The following MAP2 variants were observed in gnomAD, a reference collection of about 807,000 sequenced individuals.
The protein encoded by MAP2 is microtubule-associated protein 2.
A neutral mutation model predicts 137.6 loss-of-function variants in MAP2; 14 were observed. The ratio of observed to expected loss-of-function variants is 0.10; its 90% CI spans 0.07 to 0.16. The LOEUF is 0.16. Among genes scored for constraint, MAP2 ranks in the 10% least tolerant of loss-of-function variants. The probability of loss-of-function intolerance (pLI) is 1.00; values close to 1 mark genes in which losing one functional copy is unlikely to be tolerated. For synonymous variants in MAP2, 786 were observed against 782.3 expected (o/e 1.00, Z -0.08); for missense variants, 2,088 against 2,191.5 (o/e 0.95, Z 0.94).
At chr2:209,656,028 C>T (rs3768834) in intron 5 of MAP2, among the ~76,000 whole-genome samples, 28,719 of 152,010 alleles carry the variant, frequency 0.19, 3,903 homozygotes, top group African/African-American at 0.38. Flanking sequence ...ATCTTCTTCC[C>T]CCTTTTCTCC....
At chr2:209,473,071 C>T (rs1289700966) in intron 1 of MAP2, among the ~76,000 whole-genome samples, 2 of 152,164 alleles carry the variant, frequency 1.3e-5, no homozygotes, top group Non-Finnish European at 2.9e-5. Flanking sequence ...TTGGTGACTT[C>T]ATACCCTTCT....
chr2:209,578,653 A>T (rs2075739672), intron 2 of MAP2, among the ~76,000 whole-genome samples: 1 of 151,908 alleles, frequency 6.6e-6, no homozygotes, highest in Admixed American at 6.6e-5. Context: ...ATTTATTGAC[A>T]TTTTTCTCCT....
intron 1 of MAP2, among the ~76,000 whole-genome samples, chr2:209,483,041 A>G (rs1390763817): frequency 6.6e-6 from 1 of 152,216 alleles, no homozygotes; most frequent in Non-Finnish European, 1.5e-5. Flanking sequence ...TGAGTTTAGA[A>G]CTAAAGTCCT....
intron 1 of MAP2, among the ~76,000 whole-genome samples, chr2:209,471,237 A>G (rs889346483): frequency 1.3e-5 from 2 of 152,128 alleles, no homozygotes; most frequent in African/African-American, 4.8e-5. Flanking sequence ...ATTCTGACTC[A>G]TCCTACACAG....
intron 14 of MAP2, among the ~76,000 whole-genome samples, chr2:209,726,830 G>T (rs1345226255): frequency 6.6e-6 from 1 of 152,144 alleles, no homozygotes; most frequent in African/African-American, 2.4e-5. Context: ...ATTTTCTTGA[G>T]AATATTTTGA....
At chr2:209,596,324 C>G (rs542957710) in intron 3 of MAP2, among the ~76,000 whole-genome samples, 61 of 152,228 alleles carry the variant, frequency 4.0e-4, no homozygotes, top group African/African-American at 1.4e-3. Context: ...TACGAATAAA[C>G]TGAAAACACA....
In MAP2 at chr2:209,435,983, G is replaced by T. The variant is rs1421709812; in HGVS notation, c.-222+11707G>T. On this transcript the variant is annotated intron_variant, in intron 1 of 15. Transcript: ENST00000682079. ...GTATATATTATATATAATATATACA[G>T]TATATATTATATACTATATATACAG... 1.7e-4 allele frequency among the ~76,000 whole-genome samples: 16 copies of T among 92,984 alleles called. 5 individuals carry two copies. The highest frequency in any genetic ancestry group is 6.2e-4 in the East Asian group (3 of 4,852). The allele number at this position is 92,984 out of a possible 152,430, so 61.0% of individuals were successfully genotyped here. A position where few individuals can be genotyped will look rare whatever the true frequency, so the allele number is the denominator to read the frequency against.
At chr2:209,549,975 A>T (rs900183909) in intron 2 of MAP2, among the ~76,000 whole-genome samples, 2 of 152,220 alleles carry the variant, frequency 1.3e-5, no homozygotes, top group African/African-American at 4.8e-5. Context: ...ATGATGGAAA[A>T]GGTACTGATT....
intron 7 of MAP2, among the ~76,000 whole-genome samples, chr2:209,684,916 T>C (rs1489095911): frequency 1.3e-5 from 2 of 152,180 alleles, no homozygotes; most frequent in Non-Finnish European, 2.9e-5. Flanking sequence ...TTTGATGTGC[T>C]AAATGAGGGG....
intron 1 of MAP2, among the ~76,000 whole-genome samples, chr2:209,442,694 C>T (rs1334619474): frequency 6.6e-6 from 1 of 151,564 alleles, no homozygotes; most frequent in African/African-American, 2.4e-5. Context: ...GCTCATATAT[C>T]CAACTGCCTG....
intron 3 of MAP2, among the ~76,000 whole-genome samples, chr2:209,592,363 A>G (rs1426888349): frequency 6.6e-6 from 1 of 152,124 alleles, no homozygotes; most frequent in Non-Finnish European, 1.5e-5. Flanking sequence ...TGACTTACTT[A>G]CCCTCATTTT....
chr2:209,453,839 C>T lies in MAP2; in HGVS notation c.-222+29563C>T, dbSNP rs1431644922. Among the ~76,000 whole-genome samples, 3 of 151,894 alleles carry T rather than the reference C, an allele frequency of 2.0e-5. No homozygotes were observed. The East Asian group carries it at 5.8e-4, about 29-fold the overall frequency. On this transcript the variant is annotated intron_variant, in intron 1 of 15. Coordinates refer to ENST00000682079, the MANE Select transcript of MAP2 (RefSeq NM_001375505.1). ...TACACAGATGGCACTATATGATAACCTTTCTACTGGACTAAAAAAAATAGA... is the reference window on the plus strand; with the variant it reads ...TACACAGATGGCACTATATGATAACTTTTCTACTGGACTAAAAAAAATAGA...
chr2:209,666,688 ACTCT>A (rs1177236008), intron 5 of MAP2, among the ~76,000 whole-genome samples: 3 of 151,674 alleles, frequency 2.0e-5, no homozygotes, highest in Non-Finnish European at 4.4e-5. Context: ...AACTTAAATT[ACTCT>A]AGCTGACTAT....
At chr2:209,530,173 A>G (rs1365966072) in intron 2 of MAP2, among the ~76,000 whole-genome samples, 1 of 152,006 alleles carries the variant, frequency 6.6e-6, no homozygotes, top group Non-Finnish European at 1.5e-5. Context: ...GTCTTATCAC[A>G]TATGCATCCC....
intron 4 of MAP2, 40 bp from the exon 5 acceptor site, chr2:209,653,102 G>A: frequency 6.8e-7 from 1 of 1,474,432 alleles, no homozygotes; most frequent in Non-Finnish European, 9.1e-7. Flanking sequence ...CAGATCAGAA[G>A]ATTTCCCCAA....
chr2:209,548,409 T>G (rs572945539), intron 2 of MAP2, among the ~76,000 whole-genome samples: 1 of 152,364 alleles, frequency 6.6e-6, no homozygotes, highest in South Asian at 2.1e-4. Flanking sequence ...CCACCAGATA[T>G]TCTATCTTCT....
chr2:209,694,632 C>T lies in MAP2; in HGVS notation c.2462C>T (p.Ser821Phe). ...DLAGTRSRLA[S>F]VSADAEVARR... ...GCAGGCACAAGGTCAAGATTGGCTTCTGTGAGTGCAGATGCTGAGGTTGCC... is the reference window on the plus strand; with the variant it reads ...GCAGGCACAAGGTCAAGATTGGCTTTTGTGAGTGCAGATGCTGAGGTTGCC... Residue 821 changes from serine (S) to phenylalanine (F), a missense_variant, in exon 8 of 16, where the codon TCT (serine) becomes TTT (phenylalanine). By Grantham distance (155) the Ser-to-Phe change is radical. Coordinates refer to ENST00000682079, the MANE Select transcript of MAP2 (RefSeq NM_001375505.1). 6.2e-7 allele frequency: 1 copy of T among 1,614,128 alleles called. No individual in the cohort carries two copies. Among genetic ancestry groups the T allele is most frequent in the Admixed American group, 1.7e-5 (1 of 60,002 alleles).
intron 14 of MAP2, among the ~76,000 whole-genome samples, chr2:209,728,071 T>C (rs574663907): frequency 1.3e-5 from 2 of 152,242 alleles, no homozygotes; most frequent in African/African-American, 4.8e-5. Flanking sequence ...GAAGTCAAGG[T>C]TGCAGTGAGC....
intron 2 of MAP2, among the ~76,000 whole-genome samples, chr2:209,525,641 C>A (rs1445776265): frequency 6.6e-6 from 1 of 152,076 alleles, no homozygotes; most frequent in African/African-American, 2.4e-5. Context: ...GAAATTACTC[C>A]TCAAAAGTTC....
Sources: allele counts gnomAD v4.1 joint callset (sites outside exome capture counted in the v4.1 genomes callset), GRCh38; gene constraint gnomAD v4.1.1; transcripts MANE v1.5; gene names NCBI Gene and HGNC (gene_info 2026-07-23, HGNC 2026-07-21).